CPSF6: variants seen among roughly 807,000 people sequenced by gnomAD.
CPSF6 encodes cleavage and polyadenylation specificity factor subunit 6.
In CPSF6, 10 loss-of-function variants were observed where a neutral mutation model predicts 56.7. The ratio of observed to expected loss-of-function variants is 0.18; its 90% CI spans 0.11 to 0.30. CPSF6 has a LOEUF of 0.30. CPSF6 is among the 10% of genes least tolerant of loss of function. CPSF6 has a pLI of 1.00. For missense variants in CPSF6, 419 were observed against 722.9 expected (o/e 0.58, Z 4.82); for synonymous variants, 248 against 244.8 (o/e 1.01, Z -0.12).
intron 8 of CPSF6, among the ~76,000 whole-genome samples, chr12:69,261,933 A>G (rs998517055): frequency 6.6e-5 from 10 of 152,164 alleles, no homozygotes; most frequent in Non-Finnish European, 1.3e-4. Flanking sequence ...CTCATGAACC[A>G]TATGTTAAGA....
chr12:69,244,257 A>T (rs1015444959), intron 1 of CPSF6, among the ~76,000 whole-genome samples: 1 of 152,098 alleles, frequency 6.6e-6, no homozygotes, highest in Non-Finnish European at 1.5e-5. Context: ...TTGTTTTGAG[A>T]TGGAGTCTCG....
At chr12:69,242,250 A>ATT (rs1462768081) in intron 1 of CPSF6, among the ~76,000 whole-genome samples, 1 of 151,890 alleles carries the variant, frequency 6.6e-6, no homozygotes, top group African/African-American at 2.4e-5. Context: ...TTCTCATTGG[A>ATT]TTTGTATACT....
At chr12:69,256,282 T>A (rs1046989904) in intron 3 of CPSF6, among the ~76,000 whole-genome samples, 2 of 152,150 alleles carry the variant, frequency 1.3e-5, no homozygotes. Flanking sequence ...GATGAAAATG[T>A]TTTAAAATTG....
At chr12:69,249,077 G>A (rs935908406) in intron 1 of CPSF6, among the ~76,000 whole-genome samples, 23 of 144,968 alleles carry the variant, frequency 1.6e-4, no homozygotes, top group South Asian at 2.2e-4. Context: ...TGCCTAACAC[G>A]GTGAAACCCC....
chr12:69,253,211 G>A (rs1592800275), intron 3 of CPSF6, 57 bp downstream of exon 3: 2 of 899,634 alleles, frequency 2.2e-6, no homozygotes, highest in Non-Finnish European at 1.8e-6. Context: ...GTTTTTACAA[G>A]TTAACTTTCC....
Position 69,259,449 on chromosome 12 carries a change from G to A in CPSF6, c.1221G>A (p.Thr407=), listed in dbSNP as rs752061153. The change falls in exon 7 of 10, where the codon ACG becomes ACA. Residue 407 remains threonine (T), a synonymous_variant. Transcript: ENST00000435070. ...ACAGGGAAATGGATACTGCAAGAACGCCATTGAGTGAAGCTGAATTTGAAG... is the reference window on the plus strand; with the variant it reads ...ACAGGGAAATGGATACTGCAAGAACACCATTGAGTGAAGCTGAATTTGAAG... ...PPGREMDTAR[T]PLSEAEFEEI... is the part of the protein sequence containing the mutation. 50 of 1,612,926 alleles carry A rather than the reference G, an allele frequency of 3.1e-5. No individual in the cohort carries two copies. The highest frequency in any genetic ancestry group is 3.1e-4 in the African/African-American group (23 of 74,856).
rs376402671 is a variant in CPSF6, at chr12:69,239,755, C to T, written c.60+49C>T. ...CCGCCGACGCGGGCGGCGCTGCGGC[C>T]GGGAAGCTGACCCGGGGCCCGCTGC... On this transcript the variant is annotated intron_variant, in intron 1 of 9. Transcript: ENST00000435070. The T allele has an allele frequency of 1.1e-5, 17 of 1,532,692 alleles. No individual in the cohort carries two copies. In the African/African-American group the frequency reaches 1.3e-4, roughly 12 times the overall value. 94.9% of individuals were successfully genotyped at this position (1,532,692 alleles called of 1,614,324 possible).
intron 2 of CPSF6, chr12:69,252,242 TA>T (rs1300486709): frequency 1.2e-5 from 3 of 255,998 alleles, no homozygotes; most frequent in African/African-American, 8.3e-5. Flanking sequence ...CCTGGCTAAT[TA>T]AAAACAAAAC....
intron 1 of CPSF6, among the ~76,000 whole-genome samples, chr12:69,250,606 A>AG (rs1565644793): frequency 9.4e-6 from 1 of 106,818 alleles, no homozygotes; most frequent in Non-Finnish European, 2.0e-5. Context: ...AAAAAAAAAA[A>AG]AGAAAAAAAA....
At chr12:69,242,065 A>T (rs1871651050) in intron 1 of CPSF6, among the ~76,000 whole-genome samples, 1 of 152,194 alleles carries the variant, frequency 6.6e-6, no homozygotes, top group Non-Finnish European at 1.5e-5. Flanking sequence ...TTTACAACTG[A>T]TTTAATCTTT....
chr12:69,246,974 A>G (rs1401283148), intron 1 of CPSF6, among the ~76,000 whole-genome samples: 2 of 152,142 alleles, frequency 1.3e-5, no homozygotes, highest in African/African-American at 2.4e-5. Context: ...CTCGAATGAT[A>G]TTACTGTAAT....
At chr12:69,240,869 C>T (rs1464761119) in intron 1 of CPSF6, among the ~76,000 whole-genome samples, 1 of 152,160 alleles carries the variant, frequency 6.6e-6, no homozygotes, top group Non-Finnish European at 1.5e-5. Flanking sequence ...CTGTTCGTAT[C>T]TACTGCATTT....
chr12:69,262,808 ACAAAGCAAG>A (rs1158179423), intron 9 of CPSF6, among the ~76,000 whole-genome samples: 1 of 151,216 alleles, frequency 6.6e-6, no homozygotes, highest in African/African-American at 2.5e-5. Context: ...AATGGTCTTA[ACAAAGCAAG>A]GAAATAATCA....
In CPSF6 at chr12:69,268,095, G is replaced by A. The variant is rs1873079031; in HGVS notation, c.*4-1417G>A. Among the ~76,000 whole-genome samples the A allele has an allele frequency of 4.0e-5, 6 of 151,690 alleles. No homozygotes were observed. The South Asian group carries it at 1.2e-3, about 31-fold the overall frequency. On this transcript the variant is annotated intron_variant, in intron 9 of 9. Coordinates refer to ENST00000435070, the MANE Select transcript of CPSF6 (RefSeq NM_007007.3). ...TAATTTCCCAGTAATTATTATTTCA[G>A]GTTAGAACATATGCCTTGTCTCTCT...
chr12:69,258,045 C>A lies in CPSF6; in HGVS notation c.694+140C>A. On this transcript the variant is annotated intron_variant, in intron 5 of 9. Coordinates refer to ENST00000435070, the MANE Select transcript of CPSF6 (RefSeq NM_007007.3). This position sits in a 1 kb window ranked among gnomAD's most constrained non-coding sequence, Gnocchi z 4.2. ...ATTTTTGGAATCCAGGAAATTTGAT[C>A]AAGCATCTTGTTAAAGGAACTCGGC... The A allele has an allele frequency of 4.5e-6, 7 of 1,540,114 alleles. No individual in the cohort carries two copies. The highest frequency in any genetic ancestry group is 6.1e-6 in the Non-Finnish European group (7 of 1,145,778).
rs533145747 is a variant in CPSF6 at position 69,271,855 on chromosome 12, C to T, written c.*2347C>T. On this transcript the variant is annotated 3_prime_UTR_variant, in exon 10 of 10. Transcript: ENST00000435070. ...TCTTCCTTTTTTTAATGTGTAAAAACAATCCAAAGAGATAAATCCTTGCAT... is the reference window on the plus strand; with the variant it reads ...TCTTCCTTTTTTTAATGTGTAAAAATAATCCAAAGAGATAAATCCTTGCAT... 1 of 151,718 alleles carries T rather than the reference C, an allele frequency of 6.6e-6. No homozygotes were observed. Among genetic ancestry groups the T allele is most frequent in the East Asian group, 1.9e-4 (1 of 5,190 alleles). The allele number at this position is 151,718 out of a possible 1,614,324, so 9.4% of individuals were successfully genotyped here. A position where few individuals can be genotyped will look rare whatever the true frequency, so the allele number is the denominator to read the frequency against.
In CPSF6 at chr12:69,260,203, A is replaced by C; in HGVS notation, c.1469+6A>C. The C allele has an allele frequency of 6.4e-7, 1 of 1,562,388 alleles. No homozygotes were observed. Among genetic ancestry groups the C allele is most frequent in the Non-Finnish European group, 8.6e-7 (1 of 1,157,660 alleles). ...TCTTATGGTTCTGGATCAAGGTAAA[A>C]CTTTCCTGTCTCATTTCCATTTAAA... On this transcript the variant is annotated splice_donor_region_variant and intron_variant, in intron 8 of 9. Coordinates refer to ENST00000435070, the MANE Select transcript of CPSF6 (RefSeq NM_007007.3).
chr12:69,273,727 G>A lies in CPSF6; in HGVS notation c.*4219G>A, dbSNP rs1336976802. Reference sequence around the variant, plus strand: ...TTTACTTTGAAAATTGTAGTACTCAGGTGGTATTTAATGGGAAAGGATCCT... The same window carrying A: ...TTTACTTTGAAAATTGTAGTACTCAAGTGGTATTTAATGGGAAAGGATCCT... On this transcript the variant is annotated 3_prime_UTR_variant, in exon 10 of 10. Transcript: ENST00000435070. The A allele has an allele frequency of 6.6e-6, 1 of 151,674 alleles. No individual in the cohort carries two copies. Among genetic ancestry groups the A allele is most frequent in the Non-Finnish European group, 1.5e-5 (1 of 67,788 alleles). 9.4% of individuals were successfully genotyped at this position (151,674 alleles called of 1,614,324 possible).
In CPSF6 at chr12:69,258,732, T is replaced by C. The variant is rs987795639; in HGVS notation, c.837T>C (p.Phe279=). The C allele has an allele frequency of 5.6e-6, 9 of 1,614,036 alleles. No homozygotes were observed. Among genetic ancestry groups the C allele is most frequent in the Admixed American group, 5.0e-5 (3 of 60,016 alleles). ...ATCGCCCTCCACCACCAGTTCTTTT[T>C]CCTGGACAACCTTTTGGGCAGCCTC... is the stretch of plus-strand genomic sequence containing the variant. ...RGDRPPPPVL[F]PGQPFGQPPL... Residue 279 remains phenylalanine (F), a synonymous_variant, in exon 6 of 10, where the codon TTT becomes TTC. Transcript: ENST00000435070. The surrounding 1 kb of genome is among the most constrained non-coding windows in gnomAD (Gnocchi z 4.2).
Sources: allele counts gnomAD v4.1 joint callset (sites outside exome capture counted in the v4.1 genomes callset), GRCh38; gene constraint gnomAD v4.1.1; non-coding constraint Gnocchi (gnomAD v3.1); transcripts MANE v1.5; gene names NCBI Gene and HGNC (gene_info 2026-07-23, HGNC 2026-07-21).